MGLL: variants seen among roughly 807,000 people sequenced by gnomAD.
MGLL encodes monoglyceride lipase.
In MGLL, 7 loss-of-function variants were observed where a neutral mutation model predicts 29.1. The observed-to-expected ratio is 0.24, with a 90% CI of 0.14 to 0.45. MGLL has a LOEUF of 0.45. Ranked by LOEUF, MGLL falls within the 20% of genes least tolerant of loss-of-function variation. MGLL has a pLI of 0.99. For synonymous variants in MGLL, 148 were observed against 168.3 expected, an observed-to-expected ratio of 0.88 and a Z score of 0.93; for missense variants, 356 against 413.6, an observed-to-expected ratio of 0.86 and a Z score of 1.21.
chr3:127,780,300 T>C (rs542135103), intron 3 of MGLL, among the ~76,000 whole-genome samples: 57 of 152,336 alleles, frequency 3.7e-4, no homozygotes, highest in African/African-American at 1.2e-3. Flanking sequence ...GGACTCTAGC[T>C]GCATAGTACA....
chr3:127,730,508 T>C (rs2076130257), intron 3 of MGLL, among the ~76,000 whole-genome samples: 1 of 152,180 alleles, frequency 6.6e-6, no homozygotes, highest in South Asian at 2.1e-4. Flanking sequence ...GCCCCAGTCC[T>C]TTAAGGCCCT....
chr3:127,804,491 G>A (rs2077532109), intron 2 of MGLL, among the ~76,000 whole-genome samples: 4 of 152,194 alleles, frequency 2.6e-5, no homozygotes, highest in Admixed American at 2.6e-4. Context: ...TAAGTCCCCT[G>A]GGCCTCAGTT....
chr3:127,805,882 C>T (rs1023485714), intron 2 of MGLL, among the ~76,000 whole-genome samples: 1 of 152,192 alleles, frequency 6.6e-6, no homozygotes, highest in Non-Finnish European at 1.5e-5. Context: ...CAAAGAGATT[C>T]GTTTCCTGCC....
intron 2 of MGLL, among the ~76,000 whole-genome samples, chr3:127,804,329 C>T (rs1392837337): frequency 6.6e-6 from 1 of 152,240 alleles, no homozygotes; most frequent in African/African-American, 2.4e-5. Flanking sequence ...GCGGACCAGA[C>T]CCGGCTCAAA....
chr3:127,694,341 GTATGTGTATATA>G (rs59806111), intron 7 of MGLL, among the ~76,000 whole-genome samples: 20,372 of 93,372 alleles, frequency 0.22, 2,139 homozygotes, highest in East Asian at 0.46. Flanking sequence ...GTATATATAT[GTATGTGTATATA>G]TATGTGTATA....
intron 5 of MGLL, among the ~76,000 whole-genome samples, chr3:127,715,026 G>A (rs2075788338): frequency 6.6e-6 from 1 of 152,224 alleles, no homozygotes; most frequent in Non-Finnish European, 1.5e-5. Context: ...TTCTGGGTCA[G>A]GATCTGTAGC....
intron 3 of MGLL, among the ~76,000 whole-genome samples, chr3:127,766,165 C>T (rs1388693296): frequency 1.3e-5 from 2 of 152,108 alleles, no homozygotes; most frequent in African/African-American, 2.4e-5. Flanking sequence ...CTCTCCCTCT[C>T]CCATATGTCC....
chr3:127,816,474 C>G (rs1576324724), intron 2 of MGLL, among the ~76,000 whole-genome samples: 3 of 152,178 alleles, frequency 2.0e-5, no homozygotes, highest in Non-Finnish European at 4.4e-5. Context: ...AATTGTTCAC[C>G]TCCGGATGGA....
At chr3:127,794,441 G>T (rs2077349856) in intron 2 of MGLL, among the ~76,000 whole-genome samples, 1 of 152,162 alleles carries the variant, frequency 6.6e-6, no homozygotes, top group African/African-American at 2.4e-5. Context: ...TGTCTTCTAT[G>T]ATGTAAGGAT....
chr3:127,726,308 GAGAGAAAGAA>G (rs1168933316), intron 3 of MGLL, among the ~76,000 whole-genome samples: 2 of 136,844 alleles, frequency 1.5e-5, no homozygotes, highest in Admixed American at 1.5e-4. Context: ...GGGAGGGAGG[GAGAGAAAGAA>G]AGAGAAAGAA....
chr3:127,795,935 T>C (rs1255048131), intron 2 of MGLL, among the ~76,000 whole-genome samples: 1 of 152,254 alleles, frequency 6.6e-6, no homozygotes, highest in Non-Finnish European at 1.5e-5. Context: ...TTTCCAAATA[T>C]ATTAAAATTT....
At chr3:127,715,415 ATG>A in intron 5 of MGLL, 1 of 323,804 alleles carries the variant, frequency 3.1e-6, no homozygotes, top group Non-Finnish European at 6.1e-6. Context: ...AAATATTTTA[ATG>A]ATAACTTCAT....
chr3:127,721,185 G>A (rs1305103737), intron 4 of MGLL, 22 bp from the exon 5 acceptor site: 3 of 1,601,878 alleles, frequency 1.9e-6, no homozygotes, highest in East Asian at 4.5e-5. Flanking sequence ...AATGGGCAGA[G>A]CTGCTGTGTT....
At chr3:127,786,361 T>A (rs909294534) in intron 2 of MGLL, among the ~76,000 whole-genome samples, 1 of 152,354 alleles carries the variant, frequency 6.6e-6, no homozygotes, top group East Asian at 1.9e-4. Context: ...AGCAGAGCCA[T>A]TTATGCAGAC....
intron 2 of MGLL, among the ~76,000 whole-genome samples, chr3:127,799,144 C>T (rs1166914808): frequency 1.3e-5 from 2 of 152,146 alleles, no homozygotes; most frequent in Non-Finnish European, 2.9e-5. Context: ...CCAAGTGCTC[C>T]TAAGAAGCCA....
chr3:127,758,765 T>A (rs1443004264), intron 3 of MGLL, among the ~76,000 whole-genome samples: 4 of 152,190 alleles, frequency 2.6e-5, no homozygotes, highest in Non-Finnish European at 4.4e-5. Context: ...GGTCGATTTT[T>A]CATATCATGA....
chr3:127,724,416 A>G (rs1331367622), intron 3 of MGLL, among the ~76,000 whole-genome samples: 2 of 152,312 alleles, frequency 1.3e-5, no homozygotes, highest in Non-Finnish European at 2.9e-5. Context: ...AGGCTGCAGC[A>G]TATTCCATTC....
chr3:127,782,078 C>T (rs558735988), intron 2 of MGLL, among the ~76,000 whole-genome samples, 183 bp from the exon 3 acceptor site: 4 of 152,160 alleles, frequency 2.6e-5, no homozygotes, highest in African/African-American at 4.8e-5. Context: ...AAAAATTAGC[C>T]GGGAGTGGTG....
intron 6 of MGLL, among the ~76,000 whole-genome samples, chr3:127,706,400 C>G (rs1428997233): frequency 6.6e-6 from 1 of 152,202 alleles, no homozygotes; most frequent in African/African-American, 2.4e-5. Flanking sequence ...TCTGCAGTCC[C>G]TGGTTTTCTG....
Sources: allele counts gnomAD v4.1 joint callset (sites outside exome capture counted in the v4.1 genomes callset), GRCh38; gene constraint gnomAD v4.1.1; transcripts MANE v1.5; gene names NCBI Gene and HGNC (gene_info 2026-07-23, HGNC 2026-07-21).